The following MACROD2 variants were observed in gnomAD, a reference collection of about 807,000 sequenced individuals.
The protein encoded by MACROD2 is mono-ADP ribosylhydrolase 2, also known as ADP-ribose glycohydrolase MACROD2.
MACROD2 carries 36 observed loss-of-function variants against 70.4 expected under a neutral mutation model. The ratio of observed to expected loss-of-function variants is 0.51; its 90% CI spans 0.39 to 0.68. MACROD2 has a LOEUF of 0.68. Ranked by LOEUF, MACROD2 falls within the 30% of genes least tolerant of loss-of-function variation. The pLI, the probability that MACROD2 is intolerant of heterozygous loss-of-function variation, is 0.00. For synonymous variants in MACROD2, 172 were observed against 178.8 expected, an observed-to-expected ratio of 0.96 and a Z score of 0.30; for missense variants, 496 against 538.4, an observed-to-expected ratio of 0.92 and a Z score of 0.78.
At chr20:15,632,409 G>A (rs543308568) in intron 8 of MACROD2, among the ~76,000 whole-genome samples, 4 of 152,244 alleles carry the variant, frequency 2.6e-5, no homozygotes, top group Admixed American at 6.5e-5. Flanking sequence ...CAAGTTTAGC[G>A]GCGAGGGGGG....
At chr20:15,157,649 C>T (rs799171) in intron 5 of MACROD2, among the ~76,000 whole-genome samples, 89,242 of 151,594 alleles carry the variant, frequency 0.59, 26,360 homozygotes, top group East Asian at 0.65. Flanking sequence ...TAGTTTCCAA[C>T]TGACCCCTAA....
chr20:15,820,909 G>A lies in MACROD2; in HGVS notation c.646-41836G>A, dbSNP rs73097278. 1.1e-3 allele frequency among the ~76,000 whole-genome samples: 168 copies of A among 152,248 alleles called. 1 individual carries two copies. Among genetic ancestry groups the A allele is most frequent in the African/African-American group, 2.2e-3 (93 of 41,540 alleles). On this transcript the variant is annotated intron_variant, in intron 8 of 17. Coordinates refer to ENST00000684519, the MANE Select transcript of MACROD2 (RefSeq NM_001351661.2). The stretch of plus-strand genomic sequence containing the variant: ...GAGCCCCAAGTCGCCTGAATATATA[G>A]CCACCTAAATATGTTGTACTCAGCA...
intron 8 of MACROD2, among the ~76,000 whole-genome samples, chr20:15,648,377 CT>C (rs1272001607): frequency 6.6e-6 from 1 of 152,166 alleles, no homozygotes; most frequent in African/African-American, 2.4e-5. Flanking sequence ...CTTGGGCCTC[CT>C]TTTTCTGCTC....
At chr20:14,578,445 AT>A (rs1980768324) in intron 4 of MACROD2, among the ~76,000 whole-genome samples, 1 of 152,096 alleles carries the variant, frequency 6.6e-6, no homozygotes, top group Non-Finnish European at 1.5e-5. Flanking sequence ...TAATCCAGGT[AT>A]TTTTGACTGC....
intron 16 of MACROD2, among the ~76,000 whole-genome samples, chr20:16,042,000 G>A (rs2067314120): frequency 1.3e-5 from 2 of 151,922 alleles, no homozygotes; most frequent in South Asian, 4.2e-4. Context: ...TTGGTTAGGT[G>A]GTCAGTCATT....
intron 5 of MACROD2, among the ~76,000 whole-genome samples, chr20:14,769,825 A>G (rs1464759298): frequency 6.6e-6 from 1 of 152,088 alleles, no homozygotes; most frequent in Non-Finnish European, 1.5e-5. Context: ...TATTTCTATA[A>G]TTGAGCTCAA....
At chr20:15,553,331 T>C (rs535110087) in intron 8 of MACROD2, among the ~76,000 whole-genome samples, 1 of 152,280 alleles carries the variant, frequency 6.6e-6, no homozygotes, top group African/African-American at 2.4e-5. Context: ...CTAGAGGAAG[T>C]CCCATTACTG....
chr20:14,730,604 C>A (rs776261642), intron 5 of MACROD2, among the ~76,000 whole-genome samples: 3 of 152,108 alleles, frequency 2.0e-5, no homozygotes, highest in Admixed American at 2.0e-4. Context: ...GCAACAGACC[C>A]TTCCAGAAGG....
chr20:15,728,237 C>G (rs2050893005), intron 8 of MACROD2, among the ~76,000 whole-genome samples: 1 of 151,020 alleles, frequency 6.6e-6, no homozygotes, highest in African/African-American at 2.4e-5. Flanking sequence ...AACCTTGCAT[C>G]CTAAGGGCAA....
At chr20:15,170,033 C>T (rs963137221) in intron 5 of MACROD2, among the ~76,000 whole-genome samples, 4 of 152,164 alleles carry the variant, frequency 2.6e-5, no homozygotes, top group African/African-American at 9.7e-5. Context: ...ATGCAAAACA[C>T]GGCCATGTTG....
At chr20:14,100,842 TATA>T (rs1288338510) in intron 3 of MACROD2, among the ~76,000 whole-genome samples, 2 of 139,422 alleles carry the variant, frequency 1.4e-5, no homozygotes, top group African/African-American at 5.2e-5. Context: ...TATAATATAA[TATA>T]ATATATATCA....
intron 8 of MACROD2, among the ~76,000 whole-genome samples, chr20:15,599,505 T>G (rs946607797): frequency 6.6e-6 from 1 of 152,144 alleles, no homozygotes; most frequent in African/African-American, 2.4e-5. Context: ...TTGAGTAACT[T>G]TTCTGCCAAG....
At chr20:15,034,026 C>T (rs1392083654) in intron 5 of MACROD2, among the ~76,000 whole-genome samples, 1 of 152,076 alleles carries the variant, frequency 6.6e-6, no homozygotes, top group Non-Finnish European at 1.5e-5. Context: ...TGGAGGTTTG[C>T]AAACGAAATC....
At chr20:15,050,767 T>C (rs1031379337) in intron 5 of MACROD2, among the ~76,000 whole-genome samples, 5 of 151,178 alleles carry the variant, frequency 3.3e-5, no homozygotes, top group Admixed American at 2.6e-4. Flanking sequence ...TAATAAAACT[T>C]GTCATATATC....
At chr20:14,203,337 A>C (rs2081495819) in intron 3 of MACROD2, among the ~76,000 whole-genome samples, 1 of 151,844 alleles carries the variant, frequency 6.6e-6, no homozygotes, top group Admixed American at 6.6e-5. Context: ...CTTGTATCTG[A>C]GTTCCTTTAA....
At chr20:15,980,676 A>T (rs947166582) in intron 13 of MACROD2, among the ~76,000 whole-genome samples, 3 of 152,206 alleles carry the variant, frequency 2.0e-5, no homozygotes, top group Non-Finnish European at 2.9e-5. Context: ...CAGTTTTGTC[A>T]TATTTTTAAC....
chr20:15,082,545 T>TG, intron 5 of MACROD2, among the ~76,000 whole-genome samples: 1 of 143,946 alleles, frequency 6.9e-6, no homozygotes, highest in Non-Finnish European at 1.5e-5. Context: ...TTTTTTTTTT[T>TG]TCCTAAGCTG....
chr20:14,957,250 T>C (rs182890868), intron 5 of MACROD2, among the ~76,000 whole-genome samples: 1 of 152,302 alleles, frequency 6.6e-6, no homozygotes, highest in East Asian at 1.9e-4. Flanking sequence ...ATTTTCATAA[T>C]TTCTTAGTTT....
chr20:15,261,266 C>G (rs2223008), intron 6 of MACROD2, among the ~76,000 whole-genome samples: 49,282 of 151,710 alleles, frequency 0.32, 8,478 homozygotes, highest in Non-Finnish European at 0.39. Context: ...GTCAAACATG[C>G]CCAATATTCT....
Sources: allele counts gnomAD v4.1 joint callset (sites outside exome capture counted in the v4.1 genomes callset), GRCh38; gene constraint gnomAD v4.1.1; transcripts MANE v1.5; gene names NCBI Gene and HGNC (gene_info 2026-07-23, HGNC 2026-07-21).